The following TLR3 variants were observed in gnomAD, a reference collection of about 807,000 sequenced individuals.
The protein encoded by TLR3 is toll-like receptor 3.
A neutral mutation model predicts 66.4 loss-of-function variants in TLR3; 43 were observed. The ratio of observed to expected loss-of-function variants is 0.65; its 90% confidence interval spans 0.51 to 0.83. TLR3 has a LOEUF of 0.83. Among genes scored for constraint, TLR3 ranks in the 40% least tolerant of loss-of-function variants. The pLI, the probability that TLR3 is intolerant of heterozygous loss-of-function variation, is 0.00. For missense variants in TLR3, 982 were observed against 1,044.6 expected (o/e 0.94, Z 0.83); for synonymous variants, 397 against 397.2 (o/e 1.00, Z 0.01).
At chr4:186,069,336 C>A (rs1197476870) in intron 1 of TLR3, 88 bp downstream of exon 1, 2 of 152,102 alleles carry the variant, frequency 1.3e-5, no homozygotes, top group South Asian at 2.1e-4. Context: ...GTGGTTTTAG[C>A]CTTCTTTGGT....
At position 186,086,806 on chromosome 4, in the gene TLR3, G is replaced by C. The variant is rs2099304440; in HGVS notation, c.*1933G>C. ...AATATATTGATATGTTACTGGTGGA[G>C]AGTGTCCAGGTTCTTGGTGCTTTGA... On this transcript the variant is annotated 3_prime_UTR_variant, in exon 5 of 5. Transcript: ENST00000296795. 1 of 152,014 alleles carries C rather than the reference G, an allele frequency of 6.6e-6. No homozygotes were observed. The highest frequency in any genetic ancestry group is 1.5e-5 in the Non-Finnish European group (1 of 68,016). The allele number at this position is 152,014 out of a possible 1,614,324, so 9.4% of individuals were successfully genotyped here. A position where few individuals can be genotyped will look rare whatever the true frequency, so the allele number is the denominator to read the frequency against.
At chr4:186,073,068 T>C (rs926596052) in intron 1 of TLR3, among the ~76,000 whole-genome samples, 1 of 152,172 alleles carries the variant, frequency 6.6e-6, no homozygotes, top group African/African-American at 2.4e-5. Context: ...GTTGTAAAGC[T>C]AAAGTAATCC....
At chr4:186,075,350 A>T (rs1408520536) in intron 1 of TLR3, among the ~76,000 whole-genome samples, 1 of 152,228 alleles carries the variant, frequency 6.6e-6, no homozygotes, top group African/African-American at 2.4e-5. Flanking sequence ...GGCTGGGCAC[A>T]TTGGCTCATG....
chr4:186,078,288 A>C (rs572378045), intron 2 of TLR3, among the ~76,000 whole-genome samples: 178 of 152,304 alleles, frequency 1.2e-3, no homozygotes, highest in African/African-American at 4.2e-3. Flanking sequence ...GTACTGATAA[A>C]GCAAACAAAA....
intron 3 of TLR3, chr4:186,081,462 A>C (rs1429450559): frequency 6.6e-6 from 1 of 152,388 alleles, no homozygotes; most frequent in Admixed American, 6.6e-5. Flanking sequence ...CTGGAAAAAC[A>C]CGATAGTAAA....
In TLR3 at chr4:186,088,037, C is replaced by T. The variant is rs897759116; in HGVS notation, c.*3164C>T. On this transcript the variant is annotated 3_prime_UTR_variant, in exon 5 of 5. Transcript: ENST00000296795. ...TTTTATGATATGTAAATTATATATT[C>T]ACAAAGCCATTAAAAATTGTATTTT... The T allele has an allele frequency of 1.3e-5, 2 of 152,186 alleles. No individual in the cohort carries two copies. The highest frequency in any genetic ancestry group is 2.9e-5 in the Non-Finnish European group (2 of 68,036). 9.4% of individuals were successfully genotyped at this position (152,186 alleles called of 1,614,324 possible). A position where few individuals can be genotyped will look rare whatever the true frequency, so the allele number is the denominator to read the frequency against.
chr4:186,073,245 C>T (rs1007311722), intron 1 of TLR3, among the ~76,000 whole-genome samples: 1 of 152,140 alleles, frequency 6.6e-6, no homozygotes, highest in South Asian at 2.1e-4. Flanking sequence ...CTGGACCAGG[C>T]GTGGTGGCTC....
chr4:186,084,630 C>T lies in TLR3; in HGVS notation c.2487-15C>T, dbSNP rs776864778. 1.5e-5 allele frequency: 23 copies of T among 1,545,814 alleles called. No individual in the cohort carries two copies. The African/African-American group carries it at 1.9e-4, about 13-fold the overall frequency. ...AAAACCGTATATTAATTCTTCAATA[C>T]ATTTTTTTACTTAGATTCAAGGTAC... On this transcript the variant is annotated splice_polypyrimidine_tract_variant and intron_variant, in intron 4 of 4. Transcript: ENST00000296795.
chr4:186,083,720 C>A lies in TLR3; in HGVS notation c.2034C>A (p.Asn678Lys), dbSNP rs900058303. 6.2e-7 allele frequency: 1 copy of A among 1,609,782 alleles called. No homozygotes were observed. The highest frequency in any genetic ancestry group is 1.3e-5 in the African/African-American group (1 of 74,934). The change falls in exon 4 of 5, where the codon AAC becomes AAA. Residue 678 changes from asparagine (N) to lysine (K), a missense_variant. Physicochemically the swap from Asn to Lys is moderately conservative, Grantham distance 94. Around this residue, in one of 3 missense-constraint regions of TLR3, gnomAD observed 666 missense variants for 709.0 expected, o/e 0.94. Coordinates refer to ENST00000296795, the MANE Select transcript of TLR3 (RefSeq NM_003265.3). The surrounding 1 kb of genome is among the most constrained non-coding windows in gnomAD (Gnocchi z 4.0). ...IPELSSHYLC[N>K]TPPHYHGFPV... ...AGCTGTCAAGCCACTACCTTTGCAA[C>A]ACTCCACCTCACTATCATGGGTTCC...
At chr4:186,077,650 A>T (rs2099302685) in intron 2 of TLR3, among the ~76,000 whole-genome samples, 2 of 152,040 alleles carry the variant, frequency 1.3e-5, no homozygotes, top group Non-Finnish European at 2.9e-5. Flanking sequence ...TATGAGATAG[A>T]GAATGATTTT....
In TLR3 at chr4:186,076,981, T is replaced by C; in HGVS notation, c.362T>C (p.Phe121Ser). 6.2e-7 allele frequency: 1 copy of C among 1,614,182 alleles called. No homozygotes were observed. The highest frequency in any genetic ancestry group is 8.5e-7 in the Non-Finnish European group (1 of 1,180,034). Residue 121 changes from phenylalanine to serine, a missense_variant, in exon 2 of 5, where the codon TTC becomes TCC. Physicochemically the swap from Phe to Ser is radical, Grantham distance 155. Transcript: ENST00000296795. ...LSQLSDKTFA[F>S]CTNLTELHLM... ...CAACTTTCTGATAAAACCTTTGCCT[T>C]CTGCACGAATTTGACTGAACTCCAT...
At chr4:186,084,609 C>T (rs1377053223) in intron 4 of TLR3, 36 bp from the exon 5 acceptor site, 1 of 1,384,328 alleles carries the variant, frequency 7.2e-7, no homozygotes, top group Admixed American at 1.8e-5. Flanking sequence ...CTGTTAAAAA[C>T]CGTATATTAA....
At chr4:186,076,407 T>G (rs2099302460) in intron 1 of TLR3, among the ~76,000 whole-genome samples, 1 of 152,140 alleles carries the variant, frequency 6.6e-6, no homozygotes, top group African/African-American at 2.4e-5. Context: ...GTTTGGATGT[T>G]TTATTTTTTA....
chr4:186,083,745 C>G lies in TLR3; in HGVS notation c.2059C>G (p.Pro687Ala), dbSNP rs750639735. The G allele has an allele frequency of 6.8e-6, 11 of 1,613,460 alleles. No homozygotes were observed. The Admixed American group carries it at 1.7e-4, about 24-fold the overall frequency. ...CACTCCACCTCACTATCATGGGTTC[C>G]CAGTGAGACTTTTTGATACATCATC... is the stretch of plus-strand genomic sequence containing the variant. The part of the protein sequence containing the change: ...CNTPPHYHGF[P>A]VRLFDTSSCK... Residue 687 changes from proline (P) to alanine (A), a missense_variant, in exon 4 of 5, where the codon CCA (proline) becomes GCA (alanine). Pro to Ala is a conservative substitution (Grantham distance 27, BLOSUM62 -1). Coordinates refer to ENST00000296795, the MANE Select transcript of TLR3 (RefSeq NM_003265.3). This position sits in a 1 kb window ranked among gnomAD's most constrained non-coding sequence, Gnocchi z 4.0.
At chr4:186,076,454 A>G (rs1018336812) in intron 1 of TLR3, among the ~76,000 whole-genome samples, 159 bp from the exon 2 acceptor site, 4 of 152,174 alleles carry the variant, frequency 2.6e-5, no homozygotes, top group African/African-American at 9.7e-5. Flanking sequence ...CGTTTGATGT[A>G]TGACTTGTAT....
Position 186,078,924 on chromosome 4 carries a change from C to A in TLR3, c.526C>A (p.Leu176Ile), listed in dbSNP as rs778120843. 1 of 1,613,966 alleles carries A rather than the reference C, an allele frequency of 6.2e-7. No individual in the cohort carries two copies. The highest frequency in any genetic ancestry group is 1.7e-5 in the Admixed American group (1 of 59,988). ...TQVQLENLQE[L>I]LLSNNKIQAL... ...GGTTCAGCTGGAAAATCTCCAAGAG[C>A]TTCTATTATCAAACAATAAAATTCA... is the stretch of plus-strand genomic sequence containing the variant. Residue 176 changes from leucine to isoleucine, a missense_variant, in exon 3 of 5, where the codon CTT becomes ATT. Leu to Ile is a conservative substitution (Grantham distance 5). Transcript: ENST00000296795.
chr4:186,076,928 T>C lies in TLR3; in HGVS notation c.309T>C (p.Val103=), dbSNP rs139173043. The C allele has an allele frequency of 1.9e-6, 3 of 1,614,054 alleles. No homozygotes were observed. The African/African-American group carries it at 4.0e-5, about 22-fold the overall frequency. Residue 103 remains valine, a synonymous_variant, in exon 2 of 5, where the codon GTT becomes GTC. Transcript: ENST00000296795. ...GCCAGAAACTTCCCATGTTAAAAGT[T>C]TTGAACCTCCAGCACAATGAGCTAT... ...ELCQKLPMLK[V]LNLQHNELSQ... is the part of the protein sequence containing the mutation.
chr4:186,083,136 C>T lies in TLR3; in HGVS notation c.1450C>T (p.Arg484Ter), dbSNP rs977425444. 12 of 1,614,208 alleles carry T rather than the reference C, an allele frequency of 7.4e-6. No individual in the cohort carries two copies. The highest frequency in any genetic ancestry group is 2.2e-5 in the East Asian group (1 of 44,892). ...NSFALVPSLQRLMLRRVALKN... is the reference protein window; with the variant it reads ...NSFALVPSLQ ...CTTTGCCTTGGTCCCAAGCCTTCAA[C>T]GACTGATGCTCCGAAGGGTGGCCCT... is the stretch of plus-strand genomic sequence containing the variant. Residue 484 changes from arginine (R) to a stop codon, truncating the protein, a stop_gained, in exon 4 of 5, where the codon CGA becomes TGA. Coordinates refer to ENST00000296795, the MANE Select transcript of TLR3 (RefSeq NM_003265.3). LOFTEE classifies it high-confidence loss of function. This position sits in a 1 kb window ranked among gnomAD's most constrained non-coding sequence, Gnocchi z 4.0.
In TLR3 at chr4:186,082,376, T is replaced by C. The variant is rs141631477; in HGVS notation, c.690T>C (p.Asn230=). The C allele has an allele frequency of 6.2e-7, 1 of 1,614,102 alleles. No individual in the cohort carries two copies. Among genetic ancestry groups the C allele is most frequent in the Non-Finnish European group, 8.5e-7 (1 of 1,180,020 alleles). Residue 230 remains asparagine (N), a synonymous_variant, in exon 4 of 5, where the codon AAT becomes AAC. Coordinates refer to ENST00000296795, the MANE Select transcript of TLR3 (RefSeq NM_003265.3). ...GATTATTTGGCCTCTTTCTGAACAA[T>C]GTCCAGCTGGGTCCCAGCCTTACAG... is the stretch of plus-strand genomic sequence containing the variant. The part of the protein sequence containing the change: ...IGRLFGLFLN[N]VQLGPSLTEK...
Sources: allele counts gnomAD v4.1 joint callset (sites outside exome capture counted in the v4.1 genomes callset), GRCh38; gene constraint gnomAD v4.1.1; regional missense constraint gnomAD v4.1.1; non-coding constraint Gnocchi (gnomAD v3.1); transcripts MANE v1.5; gene names NCBI Gene and HGNC (gene_info 2026-07-23, HGNC 2026-07-21).